The following ITSN1 variants were observed in gnomAD, a reference collection of about 807,000 sequenced individuals.
ITSN1 encodes the protein intersectin-1.
Under a neutral mutation model 239.8 loss-of-function variants are expected in ITSN1, and 58 were observed. The observed-to-expected ratio is 0.24, with a 90% CI of 0.20 to 0.30. The LOEUF is 0.30. ITSN1 is among the 10% of genes least tolerant of loss of function. ITSN1 has a pLI of 1.00. For synonymous variants in ITSN1, 780 were observed against 770.8 expected (o/e 1.01, Z -0.20); for missense variants, 1,558 against 2,103.3 (o/e 0.74, Z 5.07).
At chr21:33,699,756 G>C (rs1049665593) in intron 1 of ITSN1, among the ~76,000 whole-genome samples, 18 of 152,102 alleles carry the variant, frequency 1.2e-4, no homozygotes, top group African/African-American at 4.3e-4. Context: ...AAGCCCAAAG[G>C]CAATTTCATT....
At chr21:33,730,952 T>C (rs566607897) in intron 4 of ITSN1, among the ~76,000 whole-genome samples, 2 of 152,156 alleles carry the variant, frequency 1.3e-5, no homozygotes, top group Admixed American at 1.3e-4. Context: ...TGCCTCGGCC[T>C]CCCAAAGTGC....
At chr21:33,811,425 C>CT (rs1476985712) in intron 21 of ITSN1, among the ~76,000 whole-genome samples, 1 of 152,192 alleles carries the variant, frequency 6.6e-6, no homozygotes, top group East Asian at 1.9e-4. Context: ...CTAACAGTGA[C>CT]TTACCATGGT....
chr21:33,709,460 A>G (rs117739587), intron 1 of ITSN1, among the ~76,000 whole-genome samples: 2,386 of 152,180 alleles, frequency 0.016, 28 homozygotes, highest in Non-Finnish European at 0.027. Flanking sequence ...ATGTGCCACC[A>G]TGCCTGGCTG....
intron 1 of ITSN1, among the ~76,000 whole-genome samples, chr21:33,702,521 T>C (rs1320183657): frequency 6.6e-6 from 1 of 152,242 alleles, no homozygotes; most frequent in African/African-American, 2.4e-5. Context: ...GATATAAAGT[T>C]AAGTTTTAAA....
chr21:33,825,627 G>A lies in ITSN1; in HGVS notation c.3184-1191G>A, dbSNP rs2073935979. On this transcript the variant is annotated intron_variant, in intron 25 of 39. Coordinates refer to ENST00000381318, the MANE Select transcript of ITSN1 (RefSeq NM_003024.3). ...GCACATTGAAACTACTTGAACTCTA[G>A]GGTACTGCCAATTGCCTTGTTCTTT... Among the ~76,000 whole-genome samples the A allele has an allele frequency of 1.3e-5, 2 of 152,176 alleles. 1 individual carries two copies. The highest frequency in any genetic ancestry group is 4.1e-4 in the South Asian group (2 of 4,832).
chr21:33,755,388 C>T lies in ITSN1; in HGVS notation c.715C>T (p.His239Tyr), dbSNP rs747001526. 6.5e-7 allele frequency: 1 copy of T among 1,536,408 alleles called. No homozygotes were observed. The highest frequency in any genetic ancestry group is 9.0e-7 in the Non-Finnish European group (1 of 1,115,034). The change falls in exon 8 of 40, where the codon CAC becomes TAC. Residue 239 changes from histidine (H) to tyrosine (Y), a missense_variant. By Grantham distance (83) the His-to-Tyr change is moderately conservative (BLOSUM62 2). This residue lies in a region of ITSN1 where 982 missense variants were observed against 1,209.9 expected (regional missense o/e 0.81). Transcript: ENST00000381318. ...FNSHDKTMSG[H>Y]LTGPQARTIL... Reference sequence around the variant, plus strand: ...TAGTCATGACAAAACTATGAGTGGACACTTAACAGGTATTTACAAATAAAA... The same window carrying T: ...TAGTCATGACAAAACTATGAGTGGATACTTAACAGGTATTTACAAATAAAA...
At chr21:33,887,932 G>T (rs367942263) in intron 39 of ITSN1, among the ~76,000 whole-genome samples, 1 of 135,478 alleles carries the variant, frequency 7.4e-6, no homozygotes, top group South Asian at 2.6e-4. Flanking sequence ...AGAGATAAAG[G>T]TTGGGGTTGG....
chr21:33,773,619 G>A (rs1602146492), intron 12 of ITSN1, among the ~76,000 whole-genome samples: 1 of 152,222 alleles, frequency 6.6e-6, no homozygotes, highest in African/African-American at 2.4e-5. Flanking sequence ...CTGCATTCCA[G>A]CCTAGGTGAC....
intron 27 of ITSN1, among the ~76,000 whole-genome samples, chr21:33,831,556 G>A (rs1356592975): frequency 6.6e-6 from 1 of 152,186 alleles, no homozygotes; most frequent in Non-Finnish European, 1.5e-5. Flanking sequence ...ACTAGCCACG[G>A]AAGACAGACC....
intron 5 of ITSN1, among the ~76,000 whole-genome samples, chr21:33,738,741 A>G (rs909911552): frequency 6.6e-6 from 1 of 152,086 alleles, no homozygotes; most frequent in African/African-American, 2.4e-5. Context: ...TGCCTTCATT[A>G]TCACCAAACT....
At chr21:33,657,427 A>G (rs777281434) in intron 1 of ITSN1, among the ~76,000 whole-genome samples, 11 of 152,154 alleles carry the variant, frequency 7.2e-5, no homozygotes, top group Admixed American at 5.2e-4. Flanking sequence ...GGACTTCCCA[A>G]TTCCCTTTGA....
At chr21:33,823,417 T>A in intron 24 of ITSN1, 70 bp from the exon 25 acceptor site, 1 of 1,428,886 alleles carries the variant, frequency 7.0e-7, no homozygotes, top group South Asian at 1.3e-5. Context: ...TAAACTTGCT[T>A]TTGCAAAGCT....
intron 29 of ITSN1, among the ~76,000 whole-genome samples, chr21:33,856,314 G>T (rs557792022): frequency 2.0e-5 from 3 of 152,240 alleles, no homozygotes; most frequent in East Asian, 3.9e-4. Flanking sequence ...AAAACAATAA[G>T]AATTTATTGC....
chr21:33,697,086 CTTT>C (rs879424954), intron 1 of ITSN1, among the ~76,000 whole-genome samples: 1 of 139,162 alleles, frequency 7.2e-6, no homozygotes. Flanking sequence ...TAGATTGTCT[CTTT>C]TTTTTTTTTT....
chr21:33,709,404 A>G (rs1601766639), intron 1 of ITSN1, among the ~76,000 whole-genome samples: 1 of 152,102 alleles, frequency 6.6e-6, no homozygotes. Flanking sequence ...TCCCGGGTTC[A>G]AGCGATTTTC....
At chr21:33,795,186 C>T (rs1451145924) in intron 17 of ITSN1, among the ~76,000 whole-genome samples, 1 of 152,188 alleles carries the variant, frequency 6.6e-6, no homozygotes, top group African/African-American at 2.4e-5. Flanking sequence ...CATGGTGGCT[C>T]ACACCTGTAA....
chr21:33,882,908 C>T lies in ITSN1; in HGVS notation c.4554+453C>T, dbSNP rs554313784. ...GCAAAGTCTCTCTAAACAGTTGATA[C>T]GTGGAGAATTTCCCTCAGCTGTTTA... is the stretch of plus-strand genomic sequence containing the variant. On this transcript the variant is annotated intron_variant, in intron 35 of 39. Transcript: ENST00000381318. The surrounding 1 kb of genome is among the most constrained non-coding windows in gnomAD (Gnocchi z 4.5). Among the ~76,000 whole-genome samples, 9 of 152,290 alleles carry T rather than the reference C, an allele frequency of 5.9e-5. No individual in the cohort carries two copies. In the East Asian group the frequency reaches 7.7e-4, roughly 13 times the overall value.
At chr21:33,860,745 C>T (rs1218671055) in intron 31 of ITSN1, among the ~76,000 whole-genome samples, 2 of 152,160 alleles carry the variant, frequency 1.3e-5, no homozygotes, top group East Asian at 1.9e-4. Flanking sequence ...ATAGAGACTC[C>T]GCCCAGTCCT....
At chr21:33,863,887 A>G (rs1162145722) in intron 31 of ITSN1, among the ~76,000 whole-genome samples, 3 of 152,164 alleles carry the variant, frequency 2.0e-5, no homozygotes, top group African/African-American at 7.2e-5. Flanking sequence ...CATCCTGAGG[A>G]CACCAAGCTG....
Sources: gnomAD v4.1 joint callset for allele counts (sites outside exome capture counted in the v4.1 genomes callset) on GRCh38, gnomAD v4.1.1 for gene constraint, gnomAD v4.1.1 regional missense constraint, Gnocchi (gnomAD v3.1) non-coding constraint, MANE v1.5 for transcripts, NCBI Gene and HGNC (gene_info 2026-07-23, HGNC 2026-07-21) for gene names.